The following MAP4K5 variants were observed in gnomAD, a reference collection of about 807,000 sequenced individuals.
MAP4K5 encodes the protein MAPK/ERK kinase kinase kinase 5.
In MAP4K5, 82 loss-of-function variants were observed where a neutral mutation model predicts 135.6. That is an observed-to-expected ratio of 0.60 (90% CI 0.51 to 0.73). The LOEUF (loss-of-function observed/expected upper bound fraction) is 0.73. MAP4K5 is among the 30% of genes least tolerant of loss of function. The probability of loss-of-function intolerance (pLI) is 0.00; values close to 1 mark genes in which losing one functional copy is unlikely to be tolerated. For synonymous variants in MAP4K5, 347 were observed against 335.0 expected (o/e 1.04, Z -0.39); for missense variants, 907 against 1,010.9 (o/e 0.90, Z 1.39).
chr14:50,491,590 C>A (rs2037484952), intron 3 of MAP4K5, among the ~76,000 whole-genome samples: 1 of 152,034 alleles, frequency 6.6e-6, no homozygotes, highest in African/African-American at 2.4e-5. Flanking sequence ...AGCCACAGCA[C>A]GCAGCTTATT....
chr14:50,464,247 C>A, intron 11 of MAP4K5, 114 bp from the exon 12 acceptor site: 1 of 606,406 alleles, frequency 1.6e-6, no homozygotes, highest in Non-Finnish European at 2.9e-6. Flanking sequence ...TTTATTGGGC[C>A]ACTTAGTTAA....
intron 12 of MAP4K5, 102 bp downstream of exon 12, chr14:50,463,950 G>A (rs1054561735): frequency 2.4e-4 from 89 of 365,204 alleles, no homozygotes; most frequent in South Asian, 4.3e-4. Context: ...CCTGCTGTAA[G>A]AGATCACTAA....
chr14:50,429,471 A>T (rs141062523), intron 28 of MAP4K5, among the ~76,000 whole-genome samples: 6 of 152,326 alleles, frequency 3.9e-5, no homozygotes, highest in Non-Finnish European at 7.4e-5. Context: ...GCTGAAAAAA[A>T]CCTCAGTATT....
intron 21 of MAP4K5, 107 bp from the exon 22 acceptor site, chr14:50,440,548 A>G: frequency 1.8e-6 from 1 of 567,764 alleles, no homozygotes; most frequent in Non-Finnish European, 3.1e-6. Flanking sequence ...CCACCTATCC[A>G]TCTAAAATAA....
At chr14:50,477,887 A>G (rs2037138530) in intron 6 of MAP4K5, among the ~76,000 whole-genome samples, 1 of 152,156 alleles carries the variant, frequency 6.6e-6, no homozygotes, top group Non-Finnish European at 1.5e-5. Flanking sequence ...GTTTGCACCT[A>G]GGTTTATGAA....
Position 50,524,132 on chromosome 14 carries a change from G to A in MAP4K5, c.108+7810C>T, listed in dbSNP as rs139907475. Among the ~76,000 whole-genome samples the A allele has an allele frequency of 6.8e-4, 104 of 152,164 alleles. No individual in the cohort carries two copies. In the East Asian group the frequency reaches 0.018, roughly 27 times the overall value. Reference sequence around the variant, plus strand: ...AATTCCATCTCTAAACTCAGCAATCGTCTTAGACACTTGGGTGATACGACA... The same window carrying A: ...AATTCCATCTCTAAACTCAGCAATCATCTTAGACACTTGGGTGATACGACA... On this transcript the variant is annotated intron_variant, in intron 2 of 32. Transcript: ENST00000682126.
Position 50,442,825 on chromosome 14 carries a change from T to C in MAP4K5, c.1480-9A>G. On this transcript the variant is annotated splice_polypyrimidine_tract_variant and intron_variant, in intron 20 of 32. Transcript: ENST00000682126. Reference sequence around the variant, plus strand: ...GAAAAGCATGCTCCCATCTTATTTATAAAGAAAGAAATGTTAACTTATTTG... The same window carrying C: ...GAAAAGCATGCTCCCATCTTATTTACAAAGAAAGAAATGTTAACTTATTTG... 1.3e-6 allele frequency: 2 copies of C among 1,506,598 alleles called. No homozygotes were observed. Among genetic ancestry groups the C allele is most frequent in the Non-Finnish European group, 1.8e-6 (2 of 1,107,772 alleles). The allele number at this position is 1,506,598 out of a possible 1,614,324, so 93.3% of individuals were successfully genotyped here. A position where few individuals can be genotyped will look rare whatever the true frequency, so the allele number is the denominator to read the frequency against.
chr14:50,437,959 A>G lies in MAP4K5; in HGVS notation c.1758T>C (p.His586=), dbSNP rs754053102. 14 of 1,612,636 alleles carry G rather than the reference A, an allele frequency of 8.7e-6. No individual in the cohort carries two copies. In the East Asian group the frequency reaches 2.9e-4, roughly 33 times the overall value. Residue 586 remains histidine (H), a synonymous_variant, in exon 25 of 33, where the codon CAT becomes CAC. Transcript: ENST00000682126. Reference sequence around the variant, plus strand: ...GGGCAGCTAATCCTGGTTTTTTGGCATGTTCAAACAAAGCTATAAGATTGT... The same window carrying G: ...GGGCAGCTAATCCTGGTTTTTTGGCGTGTTCAAACAAAGCTATAAGATTGT... The part of the protein sequence containing the change: ...YSHNLIALFE[H]AKKPGLAAHI...
chr14:50,544,842 CAGG>C (rs2140150972), intron 1 of MAP4K5, among the ~76,000 whole-genome samples: 1 of 144,448 alleles, frequency 6.9e-6, no homozygotes, highest in Admixed American at 7.4e-5. Flanking sequence ...AAGGCTGAAG[CAGG>C]AGGATTGCAT....
intron 2 of MAP4K5, among the ~76,000 whole-genome samples, chr14:50,522,631 T>C (rs1374732928): frequency 6.6e-6 from 1 of 152,138 alleles, no homozygotes; most frequent in African/African-American, 2.4e-5. Context: ...TGAAGGACAA[T>C]CCTTCCTCTC....
At chr14:50,489,856 G>A (rs557302505) in intron 3 of MAP4K5, among the ~76,000 whole-genome samples, 1 of 152,286 alleles carries the variant, frequency 6.6e-6, no homozygotes, top group African/African-American at 2.4e-5. Context: ...GGCCATGAAT[G>A]ACTATGGCTA....
At chr14:50,552,847 T>C (rs2038719812) in intron 1 of MAP4K5, among the ~76,000 whole-genome samples, 1 of 152,114 alleles carries the variant, frequency 6.6e-6, no homozygotes, top group African/African-American at 2.4e-5. Context: ...TCTCACCTTA[T>C]AGAAAAATCA....
intron 1 of MAP4K5, among the ~76,000 whole-genome samples, chr14:50,544,565 T>C (rs1416155258): frequency 1.3e-5 from 2 of 152,188 alleles, no homozygotes; most frequent in Non-Finnish European, 2.9e-5. Flanking sequence ...ATTCTGTCTC[T>C]AGGCATGGAT....
At chr14:50,470,678 ACACACACACACC>A (rs1265014215) in intron 9 of MAP4K5, among the ~76,000 whole-genome samples, 1 of 151,774 alleles carries the variant, frequency 6.6e-6, no homozygotes, top group Admixed American at 6.6e-5. Flanking sequence ...ACACACACAC[ACACACACACACC>A]TTTTATAAAA....
chr14:50,480,649 T>G (rs2037218312), intron 6 of MAP4K5, among the ~76,000 whole-genome samples: 1 of 152,170 alleles, frequency 6.6e-6, no homozygotes, highest in African/African-American at 2.4e-5. Flanking sequence ...TATAAACTCA[T>G]GCTCACATAA....
At chr14:50,423,081 A>C in intron 32 of MAP4K5, 40 bp downstream of exon 32, 1 of 980,062 alleles carries the variant, frequency 1.0e-6, no homozygotes, top group Non-Finnish European at 1.6e-6. Flanking sequence ...ATGATCTTTG[A>C]ACTCCTTTGG....
intron 13 of MAP4K5, 90 bp downstream of exon 13, chr14:50,462,575 G>C (rs1209792053): frequency 2.5e-5 from 20 of 810,412 alleles, no homozygotes; most frequent in Non-Finnish European, 3.9e-5. Flanking sequence ...TAAGTTAAAA[G>C]ATAGACTCAG....
intron 13 of MAP4K5, among the ~76,000 whole-genome samples, chr14:50,457,428 G>A (rs1463143945): frequency 1.3e-5 from 2 of 152,120 alleles, no homozygotes; most frequent in Non-Finnish European, 2.9e-5. Context: ...CCACCACGCA[G>A]AACCTCCTGC....
chr14:50,510,031 A>G (rs2037898852), intron 2 of MAP4K5, among the ~76,000 whole-genome samples: 1 of 152,224 alleles, frequency 6.6e-6, no homozygotes, highest in South Asian at 2.1e-4. Context: ...TCATATGACA[A>G]TGACTGATGC....
Sources: gnomAD v4.1 joint callset for allele counts (sites outside exome capture counted in the v4.1 genomes callset) on GRCh38, gnomAD v4.1.1 for gene constraint, MANE v1.5 for transcripts, NCBI Gene and HGNC (gene_info 2026-07-23, HGNC 2026-07-21) for gene names.